AFAP1: variants seen among roughly 807,000 people sequenced by gnomAD.
AFAP1 encodes actin filament-associated protein 1.
A neutral mutation model predicts 93.9 loss-of-function variants in AFAP1; 75 were observed. The ratio of observed to expected loss-of-function variants is 0.80; its 90% confidence interval spans 0.66 to 0.97. AFAP1 has a LOEUF of 0.97. AFAP1 is among the 50% of genes least tolerant of loss of function. AFAP1 has a pLI of 0.00. For missense variants in AFAP1, 1,201 were observed against 1,050.8 expected, an observed-to-expected ratio of 1.14 and a Z score of -1.98; for synonymous variants, 517 against 430.7, an observed-to-expected ratio of 1.20 and a Z score of -2.48.
chr4:7,781,729 A>G lies in AFAP1; in HGVS notation c.1531-102T>C, dbSNP rs944771051. ...ATTAATAGTACGGCATTTAGCATAC[A>G]TTGGCACCCCAACACTCTCCTGCAC... On this transcript the variant is annotated intron_variant, in intron 12 of 17. Coordinates refer to ENST00000420658, the MANE Select transcript of AFAP1 (RefSeq NM_001134647.2). The G allele has an allele frequency of 1.3e-5, 19 of 1,441,348 alleles. No individual in the cohort carries two copies. The African/African-American group carries it at 2.6e-4, about 20-fold the overall frequency. The allele number at this position is 1,441,348 out of a possible 1,614,324, so 89.3% of individuals were successfully genotyped here.
intron 1 of AFAP1, among the ~76,000 whole-genome samples, chr4:7,936,146 C>T (rs1273009040): frequency 6.6e-6 from 1 of 152,094 alleles, no homozygotes; most frequent in Non-Finnish European, 1.5e-5. Context: ...TAGCTCACGA[C>T]TTGACCAAAT....
At position 7,766,439 on chromosome 4, in the gene AFAP1, G is replaced by A. The variant is rs546223776; in HGVS notation, c.2418+2405C>T. 1.3e-4 allele frequency among the ~76,000 whole-genome samples: 20 copies of A among 152,274 alleles called. No homozygotes were observed. In the East Asian group the frequency reaches 3.7e-3, roughly 28 times the overall value. ...ACATATGTTTAGCAAACAAGCCGAGGAAATGGTAACATTCCAAGCCTAGGT... is the reference window on the plus strand; with the variant it reads ...ACATATGTTTAGCAAACAAGCCGAGAAAATGGTAACATTCCAAGCCTAGGT... On this transcript the variant is annotated intron_variant, in intron 17 of 17. Transcript: ENST00000420658.
chr4:7,810,655 T>C (rs948644926), intron 8 of AFAP1, among the ~76,000 whole-genome samples: 8 of 152,214 alleles, frequency 5.3e-5, no homozygotes, highest in African/African-American at 1.7e-4. Context: ...GAGTTAATTT[T>C]TGAAACATAG....
At chr4:7,850,939 G>C (rs1714365028) in intron 4 of AFAP1, among the ~76,000 whole-genome samples, 1 of 152,176 alleles carries the variant, frequency 6.6e-6, no homozygotes, top group South Asian at 2.1e-4. Context: ...CAGGTGCTCA[G>C]GCCACAGCCA....
At position 7,865,036 on chromosome 4, in the gene AFAP1, T is replaced by TA. The variant is rs759723624; in HGVS notation, c.225+3585dup. Among the ~76,000 whole-genome samples, 906 of 151,100 alleles carry TA rather than the reference T, an allele frequency of 6.0e-3. 7 individuals are homozygous for TA. The highest frequency in any genetic ancestry group is 0.019 in the African/African-American group (783 of 41,212). ...AATTAGATGTGGGGACATCAACTAT[T>TA]AAAAAAAAAGACAGGGCAACATTCA... is the stretch of plus-strand genomic sequence containing the variant. On this transcript the variant is annotated intron_variant, in intron 3 of 17. Coordinates refer to ENST00000420658, the MANE Select transcript of AFAP1 (RefSeq NM_001134647.2).
chr4:7,769,024 G>A lies in AFAP1; in HGVS notation c.2254-16C>T. 1 of 1,589,458 alleles carries A rather than the reference G, an allele frequency of 6.3e-7. No individual in the cohort carries two copies. Among genetic ancestry groups the A allele is most frequent in the Non-Finnish European group, 8.6e-7 (1 of 1,162,288 alleles). On this transcript the variant is annotated splice_polypyrimidine_tract_variant and intron_variant, in intron 16 of 17. Coordinates refer to ENST00000420658, the MANE Select transcript of AFAP1 (RefSeq NM_001134647.2). ...ACACTGGAGACTTAACGGAGAGAGA[G>A]AACCCCATGTGATGAGCGGTTTCTG...
intron 12 of AFAP1, among the ~76,000 whole-genome samples, chr4:7,784,970 T>C (rs1385404938): frequency 1.3e-5 from 2 of 152,202 alleles, no homozygotes; most frequent in African/African-American, 2.4e-5. Context: ...GTCTATTTCA[T>C]AGCCTTGGAA....
rs1252692007 is a variant in AFAP1, at chr4:7,763,081, T to TA, written c.*683dup. The TA allele has an allele frequency of 6.6e-6, 1 of 152,510 alleles. No individual in the cohort carries two copies. The highest frequency in any genetic ancestry group is 1.5e-5 in the Non-Finnish European group (1 of 68,040). The allele number at this position is 152,510 out of a possible 1,614,324, so 9.4% of individuals were successfully genotyped here. On this transcript the variant is annotated 3_prime_UTR_variant, in exon 18 of 18. Coordinates refer to ENST00000420658, the MANE Select transcript of AFAP1 (RefSeq NM_001134647.2). ...TCCTTGATCTAAGTGTGACACACAG[T>TA]AAAAAGACATTCCTAAAAAACAGGT...
intron 1 of AFAP1, among the ~76,000 whole-genome samples, chr4:7,924,486 G>GA (rs1253056041): frequency 6.6e-6 from 1 of 152,192 alleles, no homozygotes; most frequent in Non-Finnish European, 1.5e-5. Context: ...TATTGTTGAA[G>GA]ATTTCCTATT....
At chr4:7,883,911 G>T (rs1390487270) in intron 1 of AFAP1, among the ~76,000 whole-genome samples, 2 of 152,138 alleles carry the variant, frequency 1.3e-5, no homozygotes, top group African/African-American at 4.8e-5. Context: ...TATATTTCGA[G>T]CAATAGCAAT....
At chr4:7,841,254 G>A (rs1712974121) in intron 5 of AFAP1, among the ~76,000 whole-genome samples, 1 of 152,192 alleles carries the variant, frequency 6.6e-6, no homozygotes, top group South Asian at 2.1e-4. Context: ...CTCTGGGGCT[G>A]GAAGGCCCCA....
At chr4:7,796,253 G>A (rs1560163644) in intron 10 of AFAP1, among the ~76,000 whole-genome samples, 1 of 152,158 alleles carries the variant, frequency 6.6e-6, no homozygotes, top group Non-Finnish European at 1.5e-5. Flanking sequence ...CTGGAGCAGG[G>A]AAAAGTACAG....
chr4:7,898,060 T>C (rs2149214086), intron 1 of AFAP1, among the ~76,000 whole-genome samples: 1 of 152,264 alleles, frequency 6.6e-6, no homozygotes, highest in South Asian at 2.1e-4. Flanking sequence ...CTCCTCACCT[T>C]CCTCATCCTT....
At chr4:7,781,918 G>A (rs1219167690) in intron 12 of AFAP1, among the ~76,000 whole-genome samples, 1 of 152,252 alleles carries the variant, frequency 6.6e-6, no homozygotes, top group East Asian at 1.9e-4. Context: ...AGAACTCTTG[G>A]ATTATGAAGT....
At chr4:7,785,357 T>C (rs1025295343) in intron 12 of AFAP1, among the ~76,000 whole-genome samples, 12 of 151,940 alleles carry the variant, frequency 7.9e-5, no homozygotes, top group African/African-American at 2.9e-4. Context: ...ACCTCCTGCA[T>C]GGATAGATGG....
Position 7,763,018 on chromosome 4 carries a change from C to T in AFAP1, c.*747G>A, listed in dbSNP as rs1231032246. 6.6e-6 allele frequency: 1 copy of T among 151,934 alleles called. No individual in the cohort carries two copies. The highest frequency in any genetic ancestry group is 1.5e-5 in the Non-Finnish European group (1 of 68,010). 9.4% of individuals were successfully genotyped at this position (151,934 alleles called of 1,614,324 possible). ...CCTCTGCTACCTGTCAAAAGCAGCA[C>T]AAATAATTAATTAATAAAATAAGGA... On this transcript the variant is annotated 3_prime_UTR_variant, in exon 18 of 18. Transcript: ENST00000420658.
intron 1 of AFAP1, among the ~76,000 whole-genome samples, chr4:7,908,396 C>G (rs962544915): frequency 6.6e-6 from 1 of 152,196 alleles, no homozygotes; most frequent in African/African-American, 2.4e-5. Context: ...TATATTATCA[C>G]TTTTCTGTCC....
intron 8 of AFAP1, among the ~76,000 whole-genome samples, chr4:7,812,795 T>C (rs1358661919): frequency 6.6e-6 from 1 of 152,218 alleles, no homozygotes; most frequent in African/African-American, 2.4e-5. Flanking sequence ...TGCTTTTTAG[T>C]ATTATTATTT....
intron 11 of AFAP1, among the ~76,000 whole-genome samples, chr4:7,791,663 G>A (rs1243949852): frequency 6.6e-6 from 1 of 150,996 alleles, no homozygotes; most frequent in Non-Finnish European, 1.5e-5. Flanking sequence ...ACCAGCCTGG[G>A]CAACATAATA....
Sources: gnomAD v4.1 joint callset for allele counts (sites outside exome capture counted in the v4.1 genomes callset) on GRCh38, gnomAD v4.1.1 for gene constraint, MANE v1.5 for transcripts, NCBI Gene and HGNC (gene_info 2026-07-23, HGNC 2026-07-21) for gene names.